Variants in FAM135B observed in about 807,000 individuals in gnomAD.
FAM135B encodes protein FAM135B.
A neutral mutation model predicts 127.7 loss-of-function variants in FAM135B; 43 were observed. The ratio of observed to expected loss-of-function variants is 0.34; its 90% CI spans 0.26 to 0.43. The LOEUF (loss-of-function observed/expected upper bound fraction) is 0.43. Among genes scored for constraint, FAM135B ranks in the 20% least tolerant of loss-of-function variants. The probability of loss-of-function intolerance (pLI) is 1.00; values close to 1 mark genes in which losing one functional copy is unlikely to be tolerated. For missense variants in FAM135B, 1,558 were observed against 1,725.6 expected (o/e 0.90, Z 1.72); for synonymous variants, 670 against 665.1 (o/e 1.01, Z -0.11).
At chr8:138,373,672 T>C (rs1831286737) in intron 1 of FAM135B, among the ~76,000 whole-genome samples, 1 of 152,124 alleles carries the variant, frequency 6.6e-6, no homozygotes, top group Non-Finnish European at 1.5e-5. Flanking sequence ...ATTGCTGAAT[T>C]CTTTTTCTCA....
chr8:138,314,432 T>C (rs953724793), intron 2 of FAM135B, among the ~76,000 whole-genome samples: 1 of 151,866 alleles, frequency 6.6e-6, no homozygotes, highest in Non-Finnish European at 1.5e-5. Flanking sequence ...TGGAACTCAG[T>C]AGTAAAAACA....
chr8:138,494,836 T>TAAA (rs112803082), intron 1 of FAM135B, among the ~76,000 whole-genome samples: 9 of 105,762 alleles, frequency 8.5e-5, no homozygotes, highest in South Asian at 2.7e-4. Flanking sequence ...GTTTATACTG[T>TAAA]AAAAAAAAAA....
rs377706724 is a variant in FAM135B, at chr8:138,413,515, T to C, written c.-19-45513A>G. ...CTAGAACATCTGACTGCCTTATTCA[T>C]TTTTCATAAAAAACATTATAAACTT... On this transcript the variant is annotated intron_variant, in intron 1 of 19. Coordinates refer to ENST00000395297, the MANE Select transcript of FAM135B (RefSeq NM_015912.4). Among the ~76,000 whole-genome samples, 169 of 152,334 alleles carry C rather than the reference T, an allele frequency of 1.1e-3. No individual in the cohort carries two copies. The Middle Eastern group carries it at 0.017, about 15-fold the overall frequency.
chr8:138,157,647 C>T (rs1270597631), intron 12 of FAM135B, among the ~76,000 whole-genome samples: 4 of 152,184 alleles, frequency 2.6e-5, no homozygotes, highest in Non-Finnish European at 4.4e-5. Flanking sequence ...TTCCTACACA[C>T]CAATAACAGA....
chr8:138,259,258 CT>C (rs1822358105), intron 4 of FAM135B, among the ~76,000 whole-genome samples: 1 of 152,116 alleles, frequency 6.6e-6, no homozygotes, highest in Non-Finnish European at 1.5e-5. Flanking sequence ...CTCTTGTTTT[CT>C]CCTCCATTCT....
At chr8:138,262,614 C>T (rs935235238) in intron 4 of FAM135B, among the ~76,000 whole-genome samples, 1 of 152,046 alleles carries the variant, frequency 6.6e-6, no homozygotes, top group Admixed American at 6.6e-5. Context: ...GAAAAAGCAA[C>T]TAACGGCTGG....
intron 1 of FAM135B, among the ~76,000 whole-genome samples, chr8:138,490,553 G>A (rs922956251): frequency 1.3e-5 from 2 of 152,086 alleles, no homozygotes; most frequent in African/African-American, 4.8e-5. Context: ...TCCACCACAG[G>A]AACTTCCTGT....
intron 7 of FAM135B, among the ~76,000 whole-genome samples, chr8:138,220,671 G>C (rs764723019): frequency 6.6e-5 from 10 of 152,144 alleles, no homozygotes; most frequent in Non-Finnish European, 1.5e-4. Context: ...GCTAGTGGTG[G>C]TGATAACAAA....
chr8:138,267,956 T>C (rs1014981994), intron 3 of FAM135B, among the ~76,000 whole-genome samples: 20 of 152,320 alleles, frequency 1.3e-4, no homozygotes, highest in Admixed American at 3.9e-4. Flanking sequence ...TATCACTGTC[T>C]AGGCCCCACT....
chr8:138,443,984 AGGGCAGGG>A (rs1037526072), intron 1 of FAM135B, among the ~76,000 whole-genome samples: 1 of 152,196 alleles, frequency 6.6e-6, no homozygotes, highest in African/African-American at 2.4e-5. Flanking sequence ...AAAACAAAAA[AGGGCAGGG>A]GTTGCAATCC....
chr8:138,268,843 A>G (rs987246464), intron 3 of FAM135B, among the ~76,000 whole-genome samples: 2 of 152,348 alleles, frequency 1.3e-5, no homozygotes, highest in East Asian at 3.9e-4. Context: ...AAGGGGTCCA[A>G]TGAGAAGGTG....
intron 1 of FAM135B, among the ~76,000 whole-genome samples, chr8:138,419,208 T>G (rs532292700): frequency 6.6e-6 from 1 of 152,178 alleles, no homozygotes; most frequent in African/African-American, 2.4e-5. Flanking sequence ...AGGTTGCTAT[T>G]CTTATTTCAG....
intron 2 of FAM135B, among the ~76,000 whole-genome samples, chr8:138,318,775 A>G (rs778877248): frequency 1.3e-5 from 2 of 152,196 alleles, no homozygotes; most frequent in Non-Finnish European, 2.9e-5. Context: ...GAACTTAATT[A>G]TATTGAACTT....
Position 138,338,645 on chromosome 8 carries a change from C to G in FAM135B, c.78-27725G>C, listed in dbSNP as rs986672013. Among the ~76,000 whole-genome samples the G allele has an allele frequency of 4.0e-5, 6 of 149,924 alleles. No individual in the cohort carries two copies. In the East Asian group the frequency reaches 8.0e-4, roughly 20 times the overall value. The stretch of plus-strand genomic sequence containing the variant: ...GAGAGGATGTGGAGAAATAGGAACA[C>G]TTTTACACTGTTGGTGGGACTGTAA... On this transcript the variant is annotated intron_variant, in intron 2 of 19. Coordinates refer to ENST00000395297, the MANE Select transcript of FAM135B (RefSeq NM_015912.4).
intron 1 of FAM135B, among the ~76,000 whole-genome samples, chr8:138,480,372 C>T (rs948911754): frequency 2.6e-5 from 4 of 152,092 alleles, no homozygotes; most frequent in Non-Finnish European, 5.9e-5. Flanking sequence ...ATGATGGGAT[C>T]GCTCTGTTTC....
At chr8:138,338,741 T>C (rs113985901) in intron 2 of FAM135B, among the ~76,000 whole-genome samples, 9 of 152,010 alleles carry the variant, frequency 5.9e-5, no homozygotes, top group African/African-American at 1.2e-4. Flanking sequence ...ACCATTTGAC[T>C]CAGCCATCCC....
chr8:138,374,837 G>A (rs7815456), intron 1 of FAM135B, among the ~76,000 whole-genome samples: 38,714 of 152,068 alleles, frequency 0.25, 5,209 homozygotes, highest in South Asian at 0.43. Context: ...TGCACTGAGA[G>A]GTGTCAACAT....
At chr8:138,331,939 C>G (rs980150264) in intron 2 of FAM135B, among the ~76,000 whole-genome samples, 1 of 152,176 alleles carries the variant, frequency 6.6e-6, no homozygotes, top group Non-Finnish European at 1.5e-5. Flanking sequence ...CCACCCCTAA[C>G]ACCAATCCAC....
At chr8:138,250,806 C>T (rs760870547) in intron 6 of FAM135B, 35 bp downstream of exon 6, 1 of 1,607,880 alleles carries the variant, frequency 6.2e-7, no homozygotes, top group Admixed American at 1.7e-5. Context: ...TGGAAGGTGG[C>T]TCCCACATAT....
Sources: allele counts gnomAD v4.1 joint callset (sites outside exome capture counted in the v4.1 genomes callset), GRCh38; gene constraint gnomAD v4.1.1; transcripts MANE v1.5; gene names NCBI Gene and HGNC (gene_info 2026-07-23, HGNC 2026-07-21).